Variants in SLC25A28 observed in about 807,000 individuals in gnomAD.
SLC25A28 encodes the protein solute carrier family 25 member 28.
Under a neutral mutation model 31.9 loss-of-function variants are expected in SLC25A28, and 10 were observed. The observed-to-expected ratio is 0.31, with a 90% confidence interval of 0.19 to 0.53. The LOEUF (loss-of-function observed/expected upper bound fraction) is 0.53. SLC25A28 is among the 20% of genes least tolerant of loss of function. The probability of loss-of-function intolerance (pLI) is 0.95; values close to 1 mark genes in which losing one functional copy is unlikely to be tolerated. For missense variants in SLC25A28, 256 were observed against 490.3 expected (o/e 0.52, Z 4.51); for synonymous variants, 208 against 203.6 (o/e 1.02, Z -0.19).
chr10:99,618,710 G>T lies in SLC25A28; in HGVS notation c.291+1335C>A, dbSNP rs1367810357. 3.0e-6 allele frequency: 3 copies of T among 985,234 alleles called. No homozygotes were observed. The African/African-American group carries it at 5.2e-5, about 17-fold the overall frequency. The allele number at this position is 985,234 out of a possible 1,614,324, so 61.0% of individuals were successfully genotyped here. ...TTTCAATGGATATGGCCCTTGTTAGGAGTTACCTTGTGTTAAAATACTCCT... is the reference window on the plus strand; with the variant it reads ...TTTCAATGGATATGGCCCTTGTTAGTAGTTACCTTGTGTTAAAATACTCCT... On this transcript the variant is annotated intron_variant, in intron 1 of 3. Transcript: ENST00000370495.
chr10:99,647,878 C>G, the SLC25A28 span, among the ~76,000 whole-genome samples: 1 of 152,266 alleles, frequency 6.6e-6, no homozygotes, highest in East Asian at 1.9e-4. Flanking sequence ...ATATGGCCAT[C>G]CAATTTTCCT....
upstream of SLC25A28, among the ~76,000 whole-genome samples, chr10:99,623,930 C>G (rs947599286): frequency 2.0e-5 from 3 of 152,232 alleles, no homozygotes; most frequent in Non-Finnish European, 4.4e-5. Flanking sequence ...ATAGCATAAA[C>G]TAGCCCAGTA....
intron 1 of SLC25A28, chr10:99,615,604 A>G: frequency 1.0e-6 from 1 of 985,398 alleles, no homozygotes; most frequent in Non-Finnish European, 1.2e-6. Context: ...TCACAATTTG[A>G]CACATTCTTT....
chr10:99,610,764 T>G lies in SLC25A28; in HGVS notation c.*85A>C, dbSNP rs1187855389. 6.6e-6 allele frequency: 10 copies of G among 1,512,096 alleles called. No homozygotes were observed. Among genetic ancestry groups the G allele is most frequent in the Non-Finnish European group, 8.1e-6 (9 of 1,117,898 alleles). 93.7% of individuals were successfully genotyped at this position (1,512,096 alleles called of 1,614,324 possible). ...CCCTCTACCTTCCTTCTAACTCCACTTGAGGTGGGAGCATTCCAGGAGACA... is the reference window on the plus strand; with the variant it reads ...CCCTCTACCTTCCTTCTAACTCCACGTGAGGTGGGAGCATTCCAGGAGACA... On this transcript the variant is annotated 3_prime_UTR_variant, in exon 4 of 4. Coordinates refer to ENST00000370495, the MANE Select transcript of SLC25A28 (RefSeq NM_031212.4).
upstream of SLC25A28, chr10:99,621,742 C>G (rs951585855): frequency 1.3e-5 from 2 of 152,282 alleles, no homozygotes; most frequent in Admixed American, 1.3e-4. Flanking sequence ...GTGGACTTCT[C>G]CATCTGTTCA....
the SLC25A28 span, among the ~76,000 whole-genome samples, chr10:99,656,178 T>C: frequency 6.6e-6 from 1 of 152,168 alleles, no homozygotes; most frequent in Admixed American, 6.5e-5. Context: ...TGAAGGATTT[T>C]AGATCAGGAA....
intron 1 of SLC25A28, chr10:99,618,803 A>G: frequency 1.0e-6 from 1 of 985,454 alleles, no homozygotes; most frequent in South Asian, 4.7e-5. Flanking sequence ...ATTCTAATGA[A>G]AAACATGAAA....
upstream of SLC25A28, among the ~76,000 whole-genome samples, chr10:99,623,916 C>G (rs1266901664): frequency 2.6e-5 from 4 of 152,222 alleles, no homozygotes; most frequent in African/African-American, 9.7e-5. Context: ...GATTATTCCA[C>G]ACCATAGCAT....
At chr10:99,633,144 A>C in the SLC25A28 span, among the ~76,000 whole-genome samples, 96 of 152,314 alleles carry the variant, frequency 6.3e-4, no homozygotes, top group African/African-American at 2.2e-3. Flanking sequence ...TTCATTTAAA[A>C]AAAAAAAGTT....
At chr10:99,612,679 G>A in intron 2 of SLC25A28, 80 bp from the exon 3 acceptor site, 1 of 1,513,362 alleles carries the variant, frequency 6.6e-7, no homozygotes, top group Non-Finnish European at 9.2e-7. Flanking sequence ...GAAGGGGAGT[G>A]GCTGTGCTAC....
the SLC25A28 span, among the ~76,000 whole-genome samples, chr10:99,628,889 A>G: frequency 6.6e-6 from 1 of 152,228 alleles, no homozygotes; most frequent in Non-Finnish European, 1.5e-5. Flanking sequence ...GAAAATAACA[A>G]CCACTGAGGA....
Position 99,620,128 on chromosome 10 carries a change from C to T in SLC25A28, c.208G>A (p.Ala70Thr), listed in dbSNP as rs747599229. 8 of 1,581,252 alleles carry T rather than the reference C, an allele frequency of 5.1e-6. No individual in the cohort carries two copies. The highest frequency in any genetic ancestry group is 4.3e-6 in the Non-Finnish European group (5 of 1,171,912). Residue 70 changes from alanine (A) to threonine (T), a missense_variant, in exon 1 of 4, where the codon GCC becomes ACC. By Grantham distance (58) the Ala-to-Thr change is moderately conservative. Around this residue, in one of 4 missense-constraint regions of SLC25A28, gnomAD observed 41 missense variants for 41.7 expected, o/e 0.98. Transcript: ENST00000370495. ...GCCACCATGTGCGTGGTGACAGTGG[C>T]TCCAGCCGGCAGCGCCTCGTAGTCC... ...GPDYEALPAGATVTTHMVAGA... is the reference protein window; with the variant it reads ...GPDYEALPAGTTVTTHMVAGA...
chr10:99,615,935 C>T (rs1565021245), intron 1 of SLC25A28: 2 of 985,270 alleles, frequency 2.0e-6, no homozygotes, highest in African/African-American at 1.7e-5. Context: ...CAAGAGAAAA[C>T]CGGACTGTGG....
the SLC25A28 span, among the ~76,000 whole-genome samples, chr10:99,644,847 G>A: frequency 1.3e-5 from 2 of 152,198 alleles, no homozygotes; most frequent in African/African-American, 4.8e-5. Flanking sequence ...ATTCTGGGTT[G>A]AAAATTCTTT....
the SLC25A28 span, among the ~76,000 whole-genome samples, chr10:99,637,443 A>G: frequency 1.3e-5 from 2 of 152,206 alleles, no homozygotes; most frequent in South Asian, 4.1e-4. Context: ...AGCCAGAGCA[A>G]TCAGACAAGA....
In SLC25A28 at chr10:99,612,573, G is replaced by C. The variant is rs781415877; in HGVS notation, c.547C>G (p.Leu183Val). ...GCAGGGTTCATGGCTGCATCATGAA[G>C]TAATGTTGCCACACACCCGGCCGCA... ...NGAAGCVATL[L>V]HDAAMNPAEV... Residue 183 changes from leucine (L) to valine (V), a missense_variant, in exon 3 of 4, where the codon CTT (leucine) becomes GTT (valine). This residue lies in a region of SLC25A28 where 158 missense variants were observed against 379.1 expected (regional missense o/e 0.42). Coordinates refer to ENST00000370495, the MANE Select transcript of SLC25A28 (RefSeq NM_031212.4). The C allele has an allele frequency of 2.5e-6, 4 of 1,614,184 alleles. No homozygotes were observed. In the South Asian group the frequency reaches 4.4e-5, roughly 18 times the overall value.
chr10:99,624,364 G>A (rs2133372265), upstream of SLC25A28, among the ~76,000 whole-genome samples: 1 of 151,976 alleles, frequency 6.6e-6, no homozygotes, highest in African/African-American at 2.4e-5. Context: ...CCAAAGTGCT[G>A]AGATTACAGG....
chr10:99,612,107 T>G (rs977172839), intron 3 of SLC25A28, among the ~76,000 whole-genome samples: 3 of 152,226 alleles, frequency 2.0e-5, no homozygotes, highest in African/African-American at 7.2e-5. Context: ...CTGAGTTCTA[T>G]GATTTAACCT....
the SLC25A28 span, among the ~76,000 whole-genome samples, chr10:99,638,937 G>T: frequency 6.6e-6 from 1 of 152,050 alleles, no homozygotes; most frequent in Admixed American, 6.6e-5. Context: ...CCACTATTGG[G>T]TATCTACTCA....
Sources: gnomAD v4.1 joint callset for allele counts (sites outside exome capture counted in the v4.1 genomes callset) on GRCh38, gnomAD v4.1.1 for gene constraint, gnomAD v4.1.1 regional missense constraint, MANE v1.5 for transcripts, NCBI Gene and HGNC (gene_info 2026-07-23, HGNC 2026-07-21) for gene names.